The following GSTA4 variants were observed in gnomAD, a reference collection of about 807,000 sequenced individuals.
The protein encoded by GSTA4 is glutathione S-transferase alpha 4.
Under a neutral mutation model 24.4 loss-of-function variants are expected in GSTA4, and 15 were observed. That is an observed-to-expected ratio of 0.61 (90% confidence interval 0.41 to 0.95). The LOEUF (loss-of-function observed/expected upper bound fraction) is 0.95. GSTA4 is among the 40% of genes least tolerant of loss of function. The pLI is 0.00. For missense variants in GSTA4, 244 were observed against 262.1 expected (o/e 0.93, Z 0.48); for synonymous variants, 92 against 94.2 (o/e 0.98, Z 0.13).
rs1246643004 is a variant in GSTA4 at position 52,978,371 on chromosome 6, C to T, written c.*99G>A. 6 of 1,225,358 alleles carry T rather than the reference C, an allele frequency of 4.9e-6. No individual in the cohort carries two copies. Among genetic ancestry groups the T allele is most frequent in the Non-Finnish European group, 6.9e-6 (6 of 865,350 alleles). 75.9% of individuals were successfully genotyped at this position (1,225,358 alleles called of 1,614,324 possible). A position where few individuals can be genotyped will look rare whatever the true frequency, so the allele number is the denominator to read the frequency against. Reference sequence around the variant, plus strand: ...ACCCAACTTAGGACCCAACTTAATACATAGATAGCACCATGACAGAGCTGG... The same window carrying T: ...ACCCAACTTAGGACCCAACTTAATATATAGATAGCACCATGACAGAGCTGG... On this transcript the variant is annotated 3_prime_UTR_variant, in exon 7 of 7. Coordinates refer to ENST00000370963, the MANE Select transcript of GSTA4 (RefSeq NM_001512.4).
At chr6:52,979,718 C>A (rs1009290310) in intron 6 of GSTA4, among the ~76,000 whole-genome samples, 9 of 152,194 alleles carry the variant, frequency 5.9e-5, no homozygotes, top group Non-Finnish European at 1.3e-4. Context: ...ATGTGCAAGG[C>A]ACAGCCTTAA....
chr6:52,994,956 C>T (rs1758312312), intron 1 of GSTA4: 1 of 152,352 alleles, frequency 6.6e-6, no homozygotes, highest in African/African-American at 2.4e-5. Flanking sequence ...CCAGCCAGGC[C>T]CGGGGACGAT....
At chr6:52,982,364 A>T (rs78918913) in intron 6 of GSTA4, among the ~76,000 whole-genome samples, 6 of 142,640 alleles carry the variant, frequency 4.2e-5, no homozygotes, top group Non-Finnish European at 9.3e-5. Flanking sequence ...AAAAAAAAAA[A>T]TTTTACACTT....
intron 2 of GSTA4, among the ~76,000 whole-genome samples, chr6:52,991,376 T>A (rs770252845): frequency 1.8e-4 from 27 of 152,098 alleles, no homozygotes; most frequent in Admixed American, 1.6e-3. Context: ...TGGATTGGGG[T>A]TGATATCACA....
intron 5 of GSTA4, 45 bp from the exon 6 acceptor site, chr6:52,982,750 A>T: frequency 6.7e-7 from 1 of 1,484,906 alleles, no homozygotes; most frequent in Non-Finnish European, 9.4e-7. Flanking sequence ...CCACATGGAG[A>T]GAGTGATGAG....
intron 2 of GSTA4, 44 bp downstream of exon 2, chr6:52,994,113 A>G: frequency 7.7e-7 from 1 of 1,300,440 alleles, no homozygotes. Flanking sequence ...CAAAGGTCTC[A>G]AAAGCTGTAT....
intron 2 of GSTA4, among the ~76,000 whole-genome samples, chr6:52,990,311 G>A (rs745859306): frequency 1.3e-5 from 2 of 152,198 alleles, no homozygotes; most frequent in African/African-American, 2.4e-5. Flanking sequence ...CAACCCAATC[G>A]TGGGATATTG....
chr6:52,988,149 A>C (rs1279768493), intron 2 of GSTA4: 2 of 152,184 alleles, frequency 1.3e-5, no homozygotes, highest in East Asian at 3.8e-4. Flanking sequence ...TCAAATGTGA[A>C]AGAGAAAGGC....
At position 52,987,414 on chromosome 6, in the gene GSTA4, T is replaced by A; in HGVS notation, c.88-6A>T. On this transcript the variant is annotated splice_region_variant and splice_polypyrimidine_tract_variant and intron_variant, in intron 2 of 6. Coordinates refer to ENST00000370963, the MANE Select transcript of GSTA4 (RefSeq NM_001512.4). Reference sequence around the variant, plus strand: ...TCCAGAAATTCTTCATCAAACTAAATTTTTAAAAAAGAAACGTATATATAC... The same window carrying A: ...TCCAGAAATTCTTCATCAAACTAAAATTTTAAAAAAGAAACGTATATATAC... The A allele has an allele frequency of 6.6e-7, 1 of 1,525,466 alleles. No homozygotes were observed. Among genetic ancestry groups the A allele is most frequent in the Non-Finnish European group, 9.1e-7 (1 of 1,102,686 alleles). 94.5% of individuals were successfully genotyped at this position (1,525,466 alleles called of 1,614,324 possible).
intron 2 of GSTA4, among the ~76,000 whole-genome samples, chr6:52,988,572 A>T (rs1763606402): frequency 6.6e-6 from 1 of 152,226 alleles, no homozygotes; most frequent in South Asian, 2.1e-4. Flanking sequence ...TATATTCAGG[A>T]TGTGGGACCT....
rs1384448672 is a variant in GSTA4, at chr6:52,978,453, C to T, written c.*17G>A. The T allele has an allele frequency of 6.2e-7, 1 of 1,612,462 alleles. No homozygotes were observed. Among genetic ancestry groups the T allele is most frequent in the Non-Finnish European group, 8.5e-7 (1 of 1,178,900 alleles). On this transcript the variant is annotated 3_prime_UTR_variant, in exon 7 of 7. Transcript: ENST00000370963. ...ATCTCTAGGAACACACTGTCACTCA[C>T]ACATGGATGTGTTGTTTTATGGCCT...
intron 2 of GSTA4, among the ~76,000 whole-genome samples, chr6:52,993,779 A>T (rs1440804295): frequency 3.3e-5 from 5 of 152,232 alleles, no homozygotes; most frequent in Admixed American, 6.5e-5. Flanking sequence ...ACACACACAT[A>T]TGTAAGCAAG....
At position 52,985,433 on chromosome 6, in the gene GSTA4, C is replaced by A. The variant is rs769029643; in HGVS notation, c.272+18G>T. 1 of 1,609,694 alleles carries A rather than the reference C, an allele frequency of 6.2e-7. No homozygotes were observed. Among genetic ancestry groups the A allele is most frequent in the Non-Finnish European group, 8.5e-7 (1 of 1,177,930 alleles). On this transcript the variant is annotated intron_variant, in intron 4 of 6. Transcript: ENST00000370963. ...CAGTAAGCTGACAAGTGACAACACTCGAGAGGGGCCACAGTACAGGGTTCT... is the reference window on the plus strand; with the variant it reads ...CAGTAAGCTGACAAGTGACAACACTAGAGAGGGGCCACAGTACAGGGTTCT...
chr6:52,980,370 T>C (rs1342304011), intron 6 of GSTA4, among the ~76,000 whole-genome samples: 8 of 151,934 alleles, frequency 5.3e-5, no homozygotes, highest in Admixed American at 3.9e-4. Flanking sequence ...AGTGGCATGA[T>C]CTCGGCTCAC....
At chr6:52,982,915 G>A (rs1238086657) in intron 5 of GSTA4, among the ~76,000 whole-genome samples, 1 of 152,004 alleles carries the variant, frequency 6.6e-6, no homozygotes, top group Admixed American at 6.6e-5. Context: ...GAGAGAGAGA[G>A]AGAGAAAGTA....
In GSTA4 at chr6:52,987,365, A is replaced by G; in HGVS notation, c.131T>C (p.Leu44Ser). The change falls in exon 3 of 7, where the codon TTG becomes TCG. Residue 44 changes from leucine to serine, a missense_variant. Coordinates refer to ENST00000370963, the MANE Select transcript of GSTA4 (RefSeq NM_001512.4). ...TTCATTTTCATACTCACCATCCTGC[A>G]ACTTGTACAACTGTTCTTTTGTTTC... The part of the protein sequence containing the change: ...FLETKEQLYK[L>S]QDGNHLLFQQ... 1 of 1,590,830 alleles carries G rather than the reference A, an allele frequency of 6.3e-7. No individual in the cohort carries two copies. The highest frequency in any genetic ancestry group is 8.6e-7 in the Non-Finnish European group (1 of 1,161,216).
intron 3 of GSTA4, among the ~76,000 whole-genome samples, chr6:52,986,359 C>A (rs1372842743): frequency 1.3e-5 from 2 of 152,212 alleles, no homozygotes. Flanking sequence ...GATTCCTTCA[C>A]TGTAGAATGT....
Position 52,985,656 on chromosome 6 carries a change from G to T in GSTA4, c.140-73C>A. On this transcript the variant is annotated intron_variant, in intron 3 of 6. Coordinates refer to ENST00000370963, the MANE Select transcript of GSTA4 (RefSeq NM_001512.4). ...CCCAACCCCTAAAAAATGCTCTGTG[G>T]AATGAAAAGAAACGGTGGAATCATG... The T allele has an allele frequency of 1.4e-5, 21 of 1,456,522 alleles. 1 individual carries two copies. In the South Asian group the frequency reaches 2.4e-4, roughly 17 times the overall value. The allele number at this position is 1,456,522 out of a possible 1,614,324, so 90.2% of individuals were successfully genotyped here. A position where few individuals can be genotyped will look rare whatever the true frequency, so the allele number is the denominator to read the frequency against.
intron 2 of GSTA4, among the ~76,000 whole-genome samples, chr6:52,990,006 A>C (rs78567880): frequency 1.8e-3 from 278 of 151,778 alleles, no homozygotes; most frequent in African/African-American, 6.4e-3. Flanking sequence ...CACCACATTT[A>C]GCTCAGAAAG....
Sources: allele counts gnomAD v4.1 joint callset (sites outside exome capture counted in the v4.1 genomes callset), GRCh38; gene constraint gnomAD v4.1.1; transcripts MANE v1.5; gene names NCBI Gene and HGNC (gene_info 2026-07-23, HGNC 2026-07-21).